Variants in ADIPOQ observed in about 807,000 individuals in gnomAD.
ADIPOQ encodes the protein adiponectin, C1Q and collagen domain containing.
Under a neutral mutation model 16.1 loss-of-function variants are expected in ADIPOQ, and 19 were observed. That is an observed-to-expected ratio of 1.18 (90% CI 0.82 to 1.73). The LOEUF is 1.73. ADIPOQ is among the 40% of genes most tolerant of loss of function. ADIPOQ has a pLI of 0.00. For missense variants in ADIPOQ, 323 were observed against 308.3 expected (o/e 1.05, Z -0.36); for synonymous variants, 124 against 125.5 (o/e 0.99, Z 0.08).
intron 1 of ADIPOQ, among the ~76,000 whole-genome samples, chr3:186,849,923 G>A (rs1711690909): frequency 1.3e-5 from 2 of 151,302 alleles, no homozygotes; most frequent in Non-Finnish European, 2.9e-5. Context: ...GAAAAAAACA[G>A]AAGAAAATTG....
intron 1 of ADIPOQ, among the ~76,000 whole-genome samples, chr3:186,845,020 C>G (rs1711544497): frequency 6.6e-6 from 1 of 151,896 alleles, no homozygotes; most frequent in African/African-American, 2.4e-5. Flanking sequence ...GCGTGGGATG[C>G]TCTGTTTTAT....
intron 1 of ADIPOQ, among the ~76,000 whole-genome samples, chr3:186,850,839 G>A (rs879837558): frequency 7.2e-5 from 11 of 151,884 alleles, no homozygotes; most frequent in Admixed American, 7.2e-4. Context: ...TCTTGGAGTT[G>A]AGTATTGTTT....
chr3:186,854,111 G>A, intron 2 of ADIPOQ, 73 bp from the exon 3 acceptor site: 1 of 1,514,810 alleles, frequency 6.6e-7, no homozygotes, highest in Non-Finnish European at 8.9e-7. Flanking sequence ...CCACAGGGAT[G>A]GTAATTTAGG....
At chr3:186,848,992 C>T (rs959153278) in intron 1 of ADIPOQ, among the ~76,000 whole-genome samples, 7 of 152,190 alleles carry the variant, frequency 4.6e-5, no homozygotes, top group African/African-American at 1.7e-4. Flanking sequence ...GGAACCCAGG[C>T]TGATCGCACC....
intron 1 of ADIPOQ, among the ~76,000 whole-genome samples, chr3:186,845,351 C>T (rs1711553104): frequency 6.6e-6 from 1 of 152,076 alleles, no homozygotes; most frequent in South Asian, 2.1e-4. Context: ...CAATATTCTA[C>T]ACTTTGACTT....
At position 186,853,242 on chromosome 3, in the gene ADIPOQ, C is replaced by A. The variant is rs1416202645; in HGVS notation, c.184C>A (p.Pro62Thr). 6.2e-7 allele frequency: 1 copy of A among 1,611,206 alleles called. No individual in the cohort carries two copies. The highest frequency in any genetic ancestry group is 1.3e-5 in the African/African-American group (1 of 74,888). Reference sequence around the variant, plus strand: ...AGGCCGTGATGGCAGAGATGGCACCCCTGGTGAGAAGGGTGAGAAAGGAGA... The same window carrying A: ...AGGCCGTGATGGCAGAGATGGCACCACTGGTGAGAAGGGTGAGAAAGGAGA... ...APGRDGRDGT[P>T]GEKGEKGDPG... Residue 62 changes from proline (P) to threonine (T), a missense_variant, in exon 2 of 3, where the codon CCT (proline) becomes ACT (threonine). Transcript: ENST00000320741.
intron 1 of ADIPOQ, chr3:186,852,550 G>A (rs768529919): frequency 1.1e-4 from 18 of 166,762 alleles, no homozygotes; most frequent in Non-Finnish European, 2.1e-4. Flanking sequence ...CAGGAGAGGG[G>A]TAGAGGAAGA....
intron 1 of ADIPOQ, 43 bp from the exon 2 acceptor site, chr3:186,853,008 G>A (rs994525210): frequency 6.2e-7 from 1 of 1,602,060 alleles, no homozygotes; most frequent in Non-Finnish European, 8.6e-7. Flanking sequence ...TGTGTGTGTG[G>A]GGTCTGTCTC....
intron 1 of ADIPOQ, among the ~76,000 whole-genome samples, chr3:186,848,393 A>G (rs532608686): frequency 3.3e-5 from 5 of 152,326 alleles, no homozygotes; most frequent in Non-Finnish European, 7.4e-5. Flanking sequence ...TTGTCGTTTT[A>G]TATATATGAC....
chr3:186,857,205 C>G lies in ADIPOQ; in HGVS notation c.*2501C>G, dbSNP rs946455153. ...GTAACCTTGCATCTCATTGCTCTGG[C>G]TGAGTTGTGTGCCTGTTTCTGACCA... is the stretch of plus-strand genomic sequence containing the variant. On this transcript the variant is annotated 3_prime_UTR_variant, in exon 3 of 3. Coordinates refer to ENST00000320741, the MANE Select transcript of ADIPOQ (RefSeq NM_004797.4). 1.3e-5 allele frequency: 2 copies of G among 152,216 alleles called. No homozygotes were observed. The highest frequency in any genetic ancestry group is 1.3e-4 in the Admixed American group (2 of 15,286). The allele number at this position is 152,216 out of a possible 1,614,324, so 9.4% of individuals were successfully genotyped here.
At chr3:186,853,990 T>C in intron 2 of ADIPOQ, 194 bp from the exon 3 acceptor site, 1 of 599,996 alleles carries the variant, frequency 1.7e-6, no homozygotes, top group Non-Finnish European at 2.9e-6. Context: ...GTTGAAATTA[T>C]GGGAGCCTCC....
Position 186,845,161 on chromosome 3 carries a change from C to T in ADIPOQ, c.-9+2412C>T, listed in dbSNP as rs780927430. 6.4e-4 allele frequency among the ~76,000 whole-genome samples: 96 copies of T among 150,816 alleles called. 1 individual carries two copies. The Middle Eastern group carries it at 0.02, about 32-fold the overall frequency. On this transcript the variant is annotated intron_variant, in intron 1 of 2. Coordinates refer to ENST00000320741, the MANE Select transcript of ADIPOQ (RefSeq NM_004797.4). ...TGTGTGGATGTGGTGTGTGGGTGTGCGCGTGCATAGGTGGAGGTGTGTGTA... is the reference window on the plus strand; with the variant it reads ...TGTGTGGATGTGGTGTGTGGGTGTGTGCGTGCATAGGTGGAGGTGTGTGTA...
intron 1 of ADIPOQ, chr3:186,851,753 C>A (rs568462555): frequency 6.6e-6 from 1 of 152,144 alleles, no homozygotes; most frequent in African/African-American, 2.4e-5. Flanking sequence ...TAGTCTTTGT[C>A]CCCTGGTACT....
Position 186,855,286 on chromosome 3 carries a change from C to G in ADIPOQ, c.*582C>G, listed in dbSNP as rs530472730. 2.4e-5 allele frequency: 4 copies of G among 167,166 alleles called. No homozygotes were observed. In the South Asian group the frequency reaches 4.6e-4, roughly 19 times the overall value. The allele number at this position is 167,166 out of a possible 1,614,324, so 10.4% of individuals were successfully genotyped here. ...GAGAAAGTGGTTCTATGATGACGTC[C>G]TGTCTTGGAAGGACTACTACTCAAT... On this transcript the variant is annotated 3_prime_UTR_variant, in exon 3 of 3. Coordinates refer to ENST00000320741, the MANE Select transcript of ADIPOQ (RefSeq NM_004797.4).
intron 1 of ADIPOQ, 64 bp from the exon 2 acceptor site, chr3:186,852,987 T>A: frequency 6.4e-6 from 10 of 1,562,962 alleles, no homozygotes; most frequent in Non-Finnish European, 8.8e-6. Flanking sequence ...CCTTTGTAGG[T>A]CCCAACTGGG....
In ADIPOQ at chr3:186,854,247, G is replaced by A. The variant is rs1161642464; in HGVS notation, c.278G>A (p.Gly93Asp). The change falls in exon 3 of 3, where the codon GGC becomes GAC. Residue 93 changes from glycine (G) to aspartate (D), a missense_variant. Physicochemically the swap from Gly to Asp is moderately conservative, Grantham distance 94. Transcript: ENST00000320741. ...GTACCCGGGGCTGAAGGTCCCCGAGGCTTTCCGGGAATCCAAGGCAGGAAA... is the reference window on the plus strand; with the variant it reads ...GTACCCGGGGCTGAAGGTCCCCGAGACTTTCCGGGAATCCAAGGCAGGAAA... Reference protein sequence around the residue: ...TGVPGAEGPRGFPGIQGRKGE... With the variant: ...TGVPGAEGPRDFPGIQGRKGE... 1 of 1,613,702 alleles carries A rather than the reference G, an allele frequency of 6.2e-7. No homozygotes were observed. Among genetic ancestry groups the A allele is most frequent in the South Asian group, 1.1e-5 (1 of 91,072 alleles).
rs201028816 is a variant in ADIPOQ, at chr3:186,856,008, G to A, written c.*1304G>A. On this transcript the variant is annotated 3_prime_UTR_variant, in exon 3 of 3. Coordinates refer to ENST00000320741, the MANE Select transcript of ADIPOQ (RefSeq NM_004797.4). ...CATTTTAGGAAATCCCTGGTTTTAA[G>A]TATCAATCCTTGTTCAGCTGGACAA... 3 of 152,178 alleles carry A rather than the reference G, an allele frequency of 2.0e-5. No homozygotes were observed. The highest frequency in any genetic ancestry group is 7.2e-5 in the African/African-American group (3 of 41,420). The allele number at this position is 152,178 out of a possible 1,614,324, so 9.4% of individuals were successfully genotyped here.
intron 1 of ADIPOQ, among the ~76,000 whole-genome samples, chr3:186,849,064 T>C (rs764993136): frequency 7.2e-5 from 11 of 152,094 alleles, no homozygotes; most frequent in South Asian, 2.1e-4. Flanking sequence ...TCCCTTAGGG[T>C]AGGAGAAAGA....
chr3:186,847,406 AGT>A (rs1380309452), intron 1 of ADIPOQ, among the ~76,000 whole-genome samples: 2 of 152,252 alleles, frequency 1.3e-5, no homozygotes, highest in Non-Finnish European at 2.9e-5. Context: ...TTTTATAAAA[AGT>A]AACAAAATTT....
Sources: allele counts gnomAD v4.1 joint callset (sites outside exome capture counted in the v4.1 genomes callset), GRCh38; gene constraint gnomAD v4.1.1; transcripts MANE v1.5; gene names NCBI Gene and HGNC (gene_info 2026-07-23, HGNC 2026-07-21).